The following CNTN5 variants were observed in gnomAD, a reference collection of about 807,000 sequenced individuals.
CNTN5 encodes contactin-5.
A neutral mutation model predicts 129.1 loss-of-function variants in CNTN5; 77 were observed. That is an observed-to-expected ratio of 0.60 (90% CI 0.50 to 0.72). The LOEUF is 0.72. CNTN5 is among the 30% of genes least tolerant of loss of function. The pLI is 0.00. For synonymous variants in CNTN5, 509 were observed against 465.6 expected (o/e 1.09, Z -1.20); for missense variants, 1,478 against 1,328.8 (o/e 1.11, Z -1.75).
At chr11:99,994,891 TG>T (rs1222593325) in intron 8 of CNTN5, among the ~76,000 whole-genome samples, 1 of 151,924 alleles carries the variant, frequency 6.6e-6, no homozygotes, top group Non-Finnish European at 1.5e-5. Flanking sequence ...AGAGACACCA[TG>T]GGGAAAAATG....
intron 3 of CNTN5, among the ~76,000 whole-genome samples, chr11:99,599,411 T>A (rs767370939): frequency 9.2e-5 from 14 of 152,188 alleles, no homozygotes; most frequent in Non-Finnish European, 1.8e-4. Flanking sequence ...ATTTGTGTAT[T>A]ATTTTACATA....
intron 3 of CNTN5, among the ~76,000 whole-genome samples, chr11:99,654,353 T>G (rs1591429674): frequency 6.6e-6 from 1 of 152,182 alleles, no homozygotes; most frequent in Non-Finnish European, 1.5e-5. Context: ...CTAAGGGGTG[T>G]ATCAGCTTCT....
chr11:99,465,217 C>T (rs1944884113), intron 2 of CNTN5, among the ~76,000 whole-genome samples: 1 of 152,146 alleles, frequency 6.6e-6, no homozygotes, highest in African/African-American at 2.4e-5. Flanking sequence ...ATTTGTTTCC[C>T]TTCTCATTAC....
chr11:99,619,635 C>A (rs1448638794), intron 3 of CNTN5, among the ~76,000 whole-genome samples: 1 of 152,048 alleles, frequency 6.6e-6, no homozygotes, highest in Non-Finnish European at 1.5e-5. Flanking sequence ...AATTTTGGAA[C>A]TCTGTGATCG....
At chr11:99,055,857 C>T (rs1031088481) in intron 1 of CNTN5, among the ~76,000 whole-genome samples, 24 of 151,918 alleles carry the variant, frequency 1.6e-4, no homozygotes, top group African/African-American at 5.8e-4. Flanking sequence ...GCATTTTTGC[C>T]TTCAGGCTCC....
intron 3 of CNTN5, among the ~76,000 whole-genome samples, chr11:99,669,832 C>A (rs1952961780): frequency 6.6e-6 from 1 of 152,094 alleles, no homozygotes; most frequent in Non-Finnish European, 1.5e-5. Flanking sequence ...TAGGGAATGA[C>A]ATTTTCTCAT....
chr11:99,895,103 G>T (rs757742033), intron 6 of CNTN5, among the ~76,000 whole-genome samples: 28 of 152,194 alleles, frequency 1.8e-4, no homozygotes, highest in Non-Finnish European at 3.8e-4. Flanking sequence ...AGGGCATAAG[G>T]ATATTAAGAA....
intron 3 of CNTN5, among the ~76,000 whole-genome samples, chr11:99,610,221 T>G (rs1950554394): frequency 6.6e-6 from 1 of 152,150 alleles, no homozygotes; most frequent in African/African-American, 2.4e-5. Flanking sequence ...CAACTAACTC[T>G]AAAATATTCA....
intron 17 of CNTN5, among the ~76,000 whole-genome samples, chr11:100,269,202 T>A (rs1353799153): frequency 6.6e-6 from 1 of 152,106 alleles, no homozygotes; most frequent in Non-Finnish European, 1.5e-5. Flanking sequence ...ATAGTTCAAG[T>A]GAGATGAGTA....
At chr11:100,176,667 A>G (rs1591358078) in intron 13 of CNTN5, among the ~76,000 whole-genome samples, 5 of 152,208 alleles carry the variant, frequency 3.3e-5, no homozygotes, top group Middle Eastern at 3.4e-3. Context: ...GTCTTACATA[A>G]CTAGAATAAT....
intron 13 of CNTN5, among the ~76,000 whole-genome samples, chr11:100,079,851 C>T (rs536931754): frequency 3.0e-4 from 45 of 152,218 alleles, no homozygotes; most frequent in African/African-American, 8.4e-4. Context: ...ATGTTCTGCT[C>T]ATCAAACTCA....
At position 99,672,066 on chromosome 11, in the gene CNTN5, A is replaced by G. The variant is rs573016766; in HGVS notation, c.55+115797A>G. Among the ~76,000 whole-genome samples, 5 of 152,228 alleles carry G rather than the reference A, an allele frequency of 3.3e-5. No homozygotes were observed. The South Asian group carries it at 1.0e-3, about 32-fold the overall frequency. Reference sequence around the variant, plus strand: ...CCAAAATGACATGACCAGATTGTGTAATTTCTTGTCACTTTTTTCTTATCT... The same window carrying G: ...CCAAAATGACATGACCAGATTGTGTGATTTCTTGTCACTTTTTTCTTATCT... On this transcript the variant is annotated intron_variant, in intron 3 of 24. Transcript: ENST00000524871.
chr11:99,339,061 T>C (rs1406872398), intron 2 of CNTN5, among the ~76,000 whole-genome samples: 1 of 149,254 alleles, frequency 6.7e-6, no homozygotes, highest in African/African-American at 2.5e-5. Context: ...TCCCTATAGA[T>C]AAATGCTGAG....
At chr11:100,038,100 C>T (rs528383106) in intron 9 of CNTN5, among the ~76,000 whole-genome samples, 164 of 151,992 alleles carry the variant, frequency 1.1e-3, no homozygotes, top group Middle Eastern at 6.8e-3. Context: ...CTTTTGTGGG[C>T]ATTTAGTGCT....
chr11:99,419,966 G>A (rs577953716), intron 2 of CNTN5, among the ~76,000 whole-genome samples: 12 of 152,004 alleles, frequency 7.9e-5, no homozygotes, highest in African/African-American at 1.2e-4. Flanking sequence ...AGGAGTCTCC[G>A]TCTGCAAGGC....
At chr11:100,305,463 A>G (rs1428321554) in intron 20 of CNTN5, among the ~76,000 whole-genome samples, 1 of 151,656 alleles carries the variant, frequency 6.6e-6, no homozygotes, top group Non-Finnish European at 1.5e-5. Context: ...CCCCCAAAAG[A>G]AGCCAGAAAT....
chr11:99,951,166 C>A (rs1395020868), intron 7 of CNTN5, among the ~76,000 whole-genome samples: 1 of 151,568 alleles, frequency 6.6e-6, no homozygotes, highest in Non-Finnish European at 1.5e-5. Context: ...AATGCCTGGT[C>A]TCTGTGATTT....
At position 100,111,377 on chromosome 11, in the gene CNTN5, G is replaced by C. The variant is rs1945654088; in HGVS notation, c.1580+37083G>C. ...ATGAGGCAACATCTCAAAAAGGCAGGATACAAATGATGAAAGGCATATGTC... is the reference window on the plus strand; with the variant it reads ...ATGAGGCAACATCTCAAAAAGGCAGCATACAAATGATGAAAGGCATATGTC... On this transcript the variant is annotated intron_variant, in intron 13 of 24. Coordinates refer to ENST00000524871, the MANE Select transcript of CNTN5 (RefSeq NM_014361.4). 2.0e-5 allele frequency among the ~76,000 whole-genome samples: 3 copies of C among 152,130 alleles called. No homozygotes were observed. The South Asian group carries it at 6.2e-4, about 32-fold the overall frequency.
At chr11:99,064,896 T>G (rs35363981) in intron 1 of CNTN5, among the ~76,000 whole-genome samples, 45,241 of 151,696 alleles carry the variant, frequency 0.3, 6,936 homozygotes, top group African/African-American at 0.33. Flanking sequence ...TTCTAAAGTT[T>G]TATTCAAATT....
Sources: gnomAD v4.1 joint callset for allele counts (sites outside exome capture counted in the v4.1 genomes callset) on GRCh38, gnomAD v4.1.1 for gene constraint, MANE v1.5 for transcripts, NCBI Gene and HGNC (gene_info 2026-07-23, HGNC 2026-07-21) for gene names.